CCDC178: variants seen among roughly 807,000 people sequenced by gnomAD.
The protein encoded by CCDC178 is coiled-coil domain-containing protein 178.
CCDC178 carries 126 observed loss-of-function variants against 117.4 expected under a neutral mutation model. The observed-to-expected ratio is 1.07, with a 90% confidence interval of 0.93 to 1.24. CCDC178 has a LOEUF of 1.24. Ranked by LOEUF, CCDC178 falls within the 50% of genes most tolerant of loss-of-function variation. The probability of loss-of-function intolerance (pLI) is 0.00; values close to 1 mark genes in which losing one functional copy is unlikely to be tolerated. For missense variants in CCDC178, 1,030 were observed against 986.9 expected (o/e 1.04, Z -0.59); for synonymous variants, 283 against 313.4 (o/e 0.90, Z 1.02).
At chr18:33,368,617 G>T (rs116500494) in intron 6 of CCDC178, among the ~76,000 whole-genome samples, 1 of 151,770 alleles carries the variant, frequency 6.6e-6, no homozygotes, top group Non-Finnish European at 1.5e-5. Flanking sequence ...GCACCAAGTC[G>T]GATTCAGGAA....
At chr18:33,338,564 A>C (rs2144650310) in intron 9 of CCDC178, among the ~76,000 whole-genome samples, 1 of 152,198 alleles carries the variant, frequency 6.6e-6, no homozygotes, top group Non-Finnish European at 1.5e-5. Context: ...TACTACTCAG[A>C]CATACAAAGG....
chr18:33,303,403 A>G (rs558343047), intron 11 of CCDC178, among the ~76,000 whole-genome samples: 2 of 152,310 alleles, frequency 1.3e-5, no homozygotes, highest in Non-Finnish European at 2.9e-5. Context: ...CTATTGAATA[A>G]TATTATAGTT....
rs572793707 is a variant in CCDC178, at chr18:33,422,582, A to G, written c.-22-10472T>C. Among the ~76,000 whole-genome samples, 200 of 152,342 alleles carry G rather than the reference A, an allele frequency of 1.3e-3. 1 individual carries two copies. The Middle Eastern group carries it at 0.017, about 13-fold the overall frequency. On this transcript the variant is annotated intron_variant, in intron 2 of 22. Transcript: ENST00000383096. ...ACAGTATCACCTGAGATCACTTCCG[A>G]TCCCTTGAATATCAATATAACTTGG...
chr18:33,131,556 T>C (rs2058068827), intron 20 of CCDC178, among the ~76,000 whole-genome samples: 1 of 151,828 alleles, frequency 6.6e-6, no homozygotes, highest in South Asian at 2.1e-4. Context: ...TATAATGGTT[T>C]CTGAAATAAT....
chr18:33,250,929 A>T (rs1052900747), intron 14 of CCDC178, among the ~76,000 whole-genome samples: 1 of 151,670 alleles, frequency 6.6e-6, no homozygotes, highest in South Asian at 2.1e-4. Context: ...AATTATTTAC[A>T]AAGAAATTAT....
intron 20 of CCDC178, among the ~76,000 whole-genome samples, chr18:33,205,477 A>G (rs1264145563): frequency 6.6e-6 from 1 of 152,174 alleles, no homozygotes; most frequent in Admixed American, 6.5e-5. Context: ...ATTATAGCCT[A>G]TTATATTCAC....
At chr18:33,110,354 T>C (rs759116126) in intron 20 of CCDC178, among the ~76,000 whole-genome samples, 62 of 151,640 alleles carry the variant, frequency 4.1e-4, no homozygotes, top group Non-Finnish European at 6.8e-4. Context: ...GTCTTTTTAT[T>C]CTTCAATGGT....
chr18:33,039,491 T>C (rs954039034), intron 21 of CCDC178, among the ~76,000 whole-genome samples: 2 of 152,134 alleles, frequency 1.3e-5, no homozygotes, highest in Non-Finnish European at 2.9e-5. Context: ...GAAGCATTGA[T>C]CAGTGGCTAC....
chr18:33,211,569 C>A (rs1466834179), intron 20 of CCDC178, among the ~76,000 whole-genome samples: 2 of 151,412 alleles, frequency 1.3e-5, no homozygotes, highest in African/African-American at 4.8e-5. Flanking sequence ...AAATGATAAC[C>A]ATTCTCATTC....
At chr18:33,405,489 T>A (rs949788194) in intron 3 of CCDC178, among the ~76,000 whole-genome samples, 4 of 151,942 alleles carry the variant, frequency 2.6e-5, no homozygotes, top group African/African-American at 9.6e-5. Flanking sequence ...TATAATTAGA[T>A]GAAAATAAAA....
At chr18:33,304,604 T>C (rs560458167) in intron 11 of CCDC178, among the ~76,000 whole-genome samples, 1 of 152,316 alleles carries the variant, frequency 6.6e-6, no homozygotes, top group African/African-American at 2.4e-5. Context: ...CTACATGACA[T>C]AGCTGAATTT....
intron 20 of CCDC178, among the ~76,000 whole-genome samples, chr18:33,102,345 T>A (rs987628304): frequency 6.6e-6 from 1 of 150,738 alleles, no homozygotes; most frequent in Non-Finnish European, 1.5e-5. Flanking sequence ...ATGTAAATGC[T>A]CTAATTTCTG....
At chr18:33,123,685 C>T (rs2057966647) in intron 20 of CCDC178, among the ~76,000 whole-genome samples, 1 of 152,096 alleles carries the variant, frequency 6.6e-6, no homozygotes, top group African/African-American at 2.4e-5. Flanking sequence ...CAAATAAAAA[C>T]ATGTCAGCAA....
intron 20 of CCDC178, among the ~76,000 whole-genome samples, chr18:33,157,373 T>C (rs2058413601): frequency 6.6e-6 from 1 of 152,178 alleles, no homozygotes; most frequent in Non-Finnish European, 1.5e-5. Flanking sequence ...AGTTAAGTCT[T>C]CCCAGACCTA....
At chr18:33,314,195 C>A (rs1294419179) in intron 11 of CCDC178, among the ~76,000 whole-genome samples, 1 of 85,852 alleles carries the variant, frequency 1.2e-5, no homozygotes, top group African/African-American at 4.9e-5. Flanking sequence ...AGCGAGACTC[C>A]GTCTCAAAAA....
intron 21 of CCDC178, among the ~76,000 whole-genome samples, chr18:33,015,583 A>C (rs558299761): frequency 0.014 from 2,061 of 151,710 alleles, 53 homozygotes; most frequent in African/African-American, 0.047. Context: ...CAACAACAAC[A>C]AACAACAACA....
rs749479987 is a variant in CCDC178 at position 32,974,572 on chromosome 18, C to T, written c.2498G>A (p.Ser833Asn). 6.2e-7 allele frequency: 1 copy of T among 1,613,658 alleles called. No individual in the cohort carries two copies. The highest frequency in any genetic ancestry group is 1.1e-5 in the South Asian group (1 of 91,076). The change falls in exon 22 of 23, where the codon AGT becomes AAT. Residue 833 changes from serine to asparagine, a missense_variant. By Grantham distance (46) the Ser-to-Asn change is conservative. Transcript: ENST00000383096. ...CTGCACAGCTAATATTTTCTGAATACTCTCCTGAGAGTCTGTCTGGAAGTT... is the reference window on the plus strand; with the variant it reads ...CTGCACAGCTAATATTTTCTGAATATTCTCCTGAGAGTCTGTCTGGAAGTT... Reference protein sequence around the residue: ...LANFQTDSQESIQKILAVQEE... With the variant: ...LANFQTDSQENIQKILAVQEE...
At chr18:33,213,669 T>A (rs961824003) in intron 19 of CCDC178, among the ~76,000 whole-genome samples, 1 of 152,060 alleles carries the variant, frequency 6.6e-6, no homozygotes, top group African/African-American at 2.4e-5. Flanking sequence ...TATGTACGTG[T>A]ATATCTATGC....
intron 21 of CCDC178, among the ~76,000 whole-genome samples, chr18:33,070,149 T>C (rs1248610888): frequency 6.6e-6 from 1 of 152,072 alleles, no homozygotes; most frequent in Non-Finnish European, 1.5e-5. Context: ...AGAACTACCA[T>C]ATAATACAGC....
Sources: gnomAD v4.1 joint callset for allele counts (sites outside exome capture counted in the v4.1 genomes callset) on GRCh38, gnomAD v4.1.1 for gene constraint, MANE v1.5 for transcripts, NCBI Gene and HGNC (gene_info 2026-07-23, HGNC 2026-07-21) for gene names.